Variants in ANKFN1 observed in about 807,000 individuals in gnomAD.
The protein encoded by ANKFN1 is ankyrin repeat and fibronectin type III domain containing 1.
Under a neutral mutation model 108.7 loss-of-function variants are expected in ANKFN1, and 74 were observed. The ratio of observed to expected loss-of-function variants is 0.68; its 90% CI spans 0.56 to 0.83. ANKFN1 has a LOEUF of 0.83. Among genes scored for constraint, ANKFN1 ranks in the 40% least tolerant of loss-of-function variants. The probability of loss-of-function intolerance (pLI) is 0.00; values close to 1 mark genes in which losing one functional copy is unlikely to be tolerated. For synonymous variants in ANKFN1, 547 were observed against 516.2 expected (o/e 1.06, Z -0.81); for missense variants, 1,505 against 1,382.3 (o/e 1.09, Z -1.41).
At chr17:56,409,556 T>C (rs1026974725) in intron 8 of ANKFN1, among the ~76,000 whole-genome samples, 1 of 152,170 alleles carries the variant, frequency 6.6e-6, no homozygotes, top group African/African-American at 2.4e-5. Flanking sequence ...TAAAAGTTTG[T>C]TCCTAAAGCC....
At chr17:56,090,127 G>A (rs963579966) in intron 4 of ANKFN1, among the ~76,000 whole-genome samples, 1 of 151,330 alleles carries the variant, frequency 6.6e-6, no homozygotes, top group Non-Finnish European at 1.5e-5. Context: ...AGCATGACGA[G>A]GTGGGAGTGG....
chr17:56,179,905 A>G (rs1303664061), intron 1 of ANKFN1, among the ~76,000 whole-genome samples: 1 of 152,224 alleles, frequency 6.6e-6, no homozygotes, highest in South Asian at 2.1e-4. Context: ...AGAAGCATTC[A>G]TCGCACATTC....
chr17:56,452,589 C>A (rs2145213489), intron 11 of ANKFN1, among the ~76,000 whole-genome samples: 1 of 152,266 alleles, frequency 6.6e-6, no homozygotes, highest in South Asian at 2.1e-4. Context: ...ATGGGCAAGA[C>A]TTTCTGCATG....
chr17:56,306,422 A>C lies in ANKFN1; in HGVS notation c.54-19799A>C, dbSNP rs1191899052. ...ATGTGCAAAAATCACAAGCATTCTT[A>C]TACACCAATAACAGACAAACAGAGA... On this transcript the variant is annotated intron_variant, in intron 3 of 20. Transcript: ENST00000682825. Among the ~76,000 whole-genome samples, 7 of 152,334 alleles carry C rather than the reference A, an allele frequency of 4.6e-5. No individual in the cohort carries two copies. In the East Asian group the frequency reaches 1.4e-3, roughly 29 times the overall value.
At chr17:56,205,866 T>G (rs936807269) in intron 1 of ANKFN1, among the ~76,000 whole-genome samples, 1 of 152,196 alleles carries the variant, frequency 6.6e-6, no homozygotes, top group Non-Finnish European at 1.5e-5. Flanking sequence ...TCAGAATCTC[T>G]TGGTTAATAA....
At chr17:56,175,928 G>C (rs984932457) in intron 1 of ANKFN1, among the ~76,000 whole-genome samples, 149 of 151,976 alleles carry the variant, frequency 9.8e-4, no homozygotes, top group African/African-American at 3.3e-3. Flanking sequence ...AGATAGTAGG[G>C]GGGTGGGGGA....
chr17:56,319,546 C>T lies in ANKFN1; in HGVS notation c.54-6675C>T, dbSNP rs1403785318. 2.6e-5 allele frequency among the ~76,000 whole-genome samples: 4 copies of T among 152,300 alleles called. No homozygotes were observed. In the East Asian group the frequency reaches 7.7e-4, roughly 29 times the overall value. On this transcript the variant is annotated intron_variant, in intron 3 of 20. Coordinates refer to ENST00000682825, the MANE Select transcript of ANKFN1 (RefSeq NM_001370326.1). ...CATGGATAACAGTCCTCTACCACAA[C>T]CGCACTACAGTCCAGATATCCCTAT...
chr17:56,203,639 G>C (rs556910698), intron 1 of ANKFN1, among the ~76,000 whole-genome samples: 3 of 152,322 alleles, frequency 2.0e-5, no homozygotes, highest in Admixed American at 6.5e-5. Flanking sequence ...AGCTGTCAAG[G>C]AAGTAACTTC....
intron 15 of ANKFN1, 134 bp downstream of exon 15, chr17:56,466,705 C>T: frequency 5.5e-6 from 4 of 722,914 alleles, no homozygotes; most frequent in Non-Finnish European, 8.9e-6. Context: ...TATGTTGTTG[C>T]AAATGCAGAA....
intron 1 of ANKFN1, among the ~76,000 whole-genome samples, chr17:56,176,555 G>A (rs1435313467): frequency 1.3e-5 from 2 of 152,170 alleles, no homozygotes; most frequent in Non-Finnish European, 1.5e-5. Flanking sequence ...ACCATTCTTT[G>A]TGGTCACTAT....
intron 1 of ANKFN1, among the ~76,000 whole-genome samples, chr17:56,167,109 A>G: frequency 1.3e-5 from 2 of 151,786 alleles, no homozygotes; most frequent in Admixed American, 1.3e-4. Context: ...CTACCTCATG[A>G]GCTTAGTGTG....
intron 1 of ANKFN1, among the ~76,000 whole-genome samples, chr17:56,186,358 C>A (rs1912206916): frequency 1.0e-5 from 1 of 96,230 alleles, no homozygotes. Context: ...AAAGCCCTTT[C>A]ACTTATATTA....
At chr17:56,301,206 A>T (rs1054234977) in intron 3 of ANKFN1, among the ~76,000 whole-genome samples, 2 of 152,130 alleles carry the variant, frequency 1.3e-5, no homozygotes, top group African/African-American at 2.4e-5. Context: ...ATAAGAGGGG[A>T]TATCTGGAGT....
At chr17:56,500,987 G>A in intron 20 of ANKFN1, among the ~76,000 whole-genome samples, 1 of 152,186 alleles carries the variant, frequency 6.6e-6, no homozygotes, top group East Asian at 1.9e-4. Context: ...GGAGTAGGCA[G>A]GAAGTGTGTT....
intron 8 of ANKFN1, among the ~76,000 whole-genome samples, chr17:56,431,115 C>T (rs1293458037): frequency 1.3e-5 from 2 of 152,172 alleles, no homozygotes; most frequent in African/African-American, 4.8e-5. Flanking sequence ...AGAACCAAAA[C>T]TAGCAGATGG....
chr17:56,206,541 C>T (rs1271248910), intron 1 of ANKFN1: 1 of 152,136 alleles, frequency 6.6e-6, no homozygotes, highest in Non-Finnish European at 1.5e-5. Flanking sequence ...ACCGGGCCCA[C>T]ACTGTGGTTA....
chr17:56,163,620 G>C (rs1450323641), intron 1 of ANKFN1, among the ~76,000 whole-genome samples: 1 of 152,254 alleles, frequency 6.6e-6, no homozygotes, highest in Non-Finnish European at 1.5e-5. Context: ...CCAAGGAACT[G>C]AGAGGTAGCT....
At chr17:56,141,336 T>C (rs1272218073) in intron 4 of ANKFN1, among the ~76,000 whole-genome samples, 1 of 152,186 alleles carries the variant, frequency 6.6e-6, no homozygotes, top group Non-Finnish European at 1.5e-5. Flanking sequence ...CATAGGGCCT[T>C]TAAGGAGAAG....
chr17:56,282,629 A>G (rs1229575967), intron 3 of ANKFN1, among the ~76,000 whole-genome samples: 1 of 152,182 alleles, frequency 6.6e-6, no homozygotes, highest in Non-Finnish European at 1.5e-5. Flanking sequence ...TCCAGTTTTC[A>G]TCTGCATATT....
Sources: allele counts gnomAD v4.1 joint callset (sites outside exome capture counted in the v4.1 genomes callset), GRCh38; gene constraint gnomAD v4.1.1; transcripts MANE v1.5; gene names NCBI Gene and HGNC (gene_info 2026-07-23, HGNC 2026-07-21).